The following BCL3 variants were observed in gnomAD, a reference collection of about 807,000 sequenced individuals.
The protein encoded by BCL3 is B-cell lymphoma 3 protein.
Under a neutral mutation model 35.7 loss-of-function variants are expected in BCL3, and 15 were observed. The ratio of observed to expected loss-of-function variants is 0.42; its 90% confidence interval spans 0.28 to 0.65. The LOEUF is 0.65. BCL3 is among the 30% of genes least tolerant of loss of function. BCL3 has a pLI of 0.22. For missense variants in BCL3, 565 were observed against 641.7 expected, an observed-to-expected ratio of 0.88 and a Z score of 1.29; for synonymous variants, 311 against 284.3, an observed-to-expected ratio of 1.09 and a Z score of -0.95.
At position 44,757,004 on chromosome 19, in the gene BCL3, C is replaced by T. The variant is rs778248294; in HGVS notation, c.520-13C>T. 2 of 1,589,864 alleles carry T rather than the reference C, an allele frequency of 1.3e-6. No individual in the cohort carries two copies. The highest frequency in any genetic ancestry group is 1.7e-6 in the Non-Finnish European group (2 of 1,163,634). ...GGGCTGGACACAGGTCCCTCACAGTCACTGTTCCCCAGACACCGCTCCACC... is the reference window on the plus strand; with the variant it reads ...GGGCTGGACACAGGTCCCTCACAGTTACTGTTCCCCAGACACCGCTCCACC... On this transcript the variant is annotated splice_polypyrimidine_tract_variant and intron_variant, in intron 3 of 8. Transcript: ENST00000164227. The surrounding 1 kb of genome is among the most constrained non-coding windows in gnomAD (Gnocchi z 8.4).
chr19:44,756,142 CA>C, intron 2 of BCL3, 89 bp from the exon 3 acceptor site: 1 of 877,764 alleles, frequency 1.1e-6, no homozygotes, highest in Non-Finnish European at 1.6e-6. Flanking sequence ...CCAAAGTATT[CA>C]ACACATTGGA....
chr19:44,757,067 C>G lies in BCL3; in HGVS notation c.570C>G (p.Leu190=). ...VITTLPSVVR[L]LVTAGASPMA... ...CCACATTACCGTCTGTGGTCCGGCT[C>G]CTGGTGACAGCTGGTGCCAGCCCCA... The change falls in exon 4 of 9, where the codon CTC becomes CTG. Residue 190 remains leucine (L), a synonymous_variant. Coordinates refer to ENST00000164227, the MANE Select transcript of BCL3 (RefSeq NM_005178.5). This position sits in a 1 kb window ranked among gnomAD's most constrained non-coding sequence, Gnocchi z 8.4. 2 of 1,611,038 alleles carry G rather than the reference C, an allele frequency of 1.2e-6. No individual in the cohort carries two copies. Among genetic ancestry groups the G allele is most frequent in the Non-Finnish European group, 1.7e-6 (2 of 1,179,038 alleles).
In BCL3 at chr19:44,759,751, A is replaced by G; in HGVS notation, c.*136A>G. ...GGGACCAGGATTTGCACAGAAGCAC[A>G]TGCACCTACCCATACACCCCCTCTT... On this transcript the variant is annotated 3_prime_UTR_variant, in exon 9 of 9. Transcript: ENST00000164227. 1.9e-6 allele frequency: 1 copy of G among 538,718 alleles called. No homozygotes were observed. The allele number at this position is 538,718 out of a possible 1,614,324, so 33.4% of individuals were successfully genotyped here.
In BCL3 at chr19:44,757,470, T is replaced by TGTG; in HGVS notation, c.813+56_813+57insTGG. 11 of 267,536 alleles carry TGTG rather than the reference T, an allele frequency of 4.1e-5. No homozygotes were observed. The highest frequency in any genetic ancestry group is 5.9e-5 in the Non-Finnish European group (10 of 169,002). The allele number at this position is 267,536 out of a possible 1,614,324, so 16.6% of individuals were successfully genotyped here. ...CGGGGCCTTAGCAGGGGCGGGGTCT[T>TGTG]GGCGGGGGCGGGGCCAGTGTGGGGC... On this transcript the variant is annotated intron_variant, in intron 5 of 8. Transcript: ENST00000164227. This position sits in a 1 kb window ranked among gnomAD's most constrained non-coding sequence, Gnocchi z 8.4.
At chr19:44,747,908 A>G, upstream of BCL3, 1 of 1,173,650 alleles carries the variant, frequency 8.5e-7, no homozygotes, top group South Asian at 1.8e-5. Context: ...GAGTGCAGAG[A>G]CACAATCAGT....
upstream of BCL3, chr19:44,748,243 A>C: frequency 4.4e-6 from 2 of 452,052 alleles, no homozygotes; most frequent in African/African-American, 4.1e-5. Flanking sequence ...CAAAGAGACA[A>C]AAGAGAGAGA....
chr19:44,751,430 G>T, intron 2 of BCL3, 50 bp downstream of exon 2: 1 of 1,503,848 alleles, frequency 6.6e-7, no homozygotes, highest in Non-Finnish European at 8.9e-7. Flanking sequence ...AAGACCAGCC[G>T]TCCATAACAC....
At chr19:44,755,986 A>C (rs1967272179) in intron 2 of BCL3, among the ~76,000 whole-genome samples, 1 of 152,204 alleles carries the variant, frequency 6.6e-6, no homozygotes, top group South Asian at 2.1e-4. Context: ...ACAGTAGAGC[A>C]TAGGTGGAAG....
chr19:44,749,390 A>ACTT (rs1568542218), intron 1 of BCL3, among the ~76,000 whole-genome samples: 27 of 152,034 alleles, frequency 1.8e-4, no homozygotes, highest in African/African-American at 6.0e-4. Flanking sequence ...ACAAGCTCTT[A>ACTT]AGCCAGATGT....
chr19:44,748,248 G>A (rs2927459), upstream of BCL3: 16,951 of 437,372 alleles, frequency 0.039, 1,810 homozygotes, highest in African/African-American at 0.25. Context: ...AGACAAAAGA[G>A]AGAGACAGAG....
rs1240915831 is a variant in BCL3, at chr19:44,754,527, G to T, written c.411-1705G>T. 2.0e-5 allele frequency among the ~76,000 whole-genome samples: 3 copies of T among 152,150 alleles called. No homozygotes were observed. The East Asian group carries it at 5.8e-4, about 29-fold the overall frequency. On this transcript the variant is annotated intron_variant, in intron 2 of 8. Coordinates refer to ENST00000164227, the MANE Select transcript of BCL3 (RefSeq NM_005178.5). ...CCTGTTACTGGAAGTCCGAGGGCTGGGTCGCCCCTCCCGTCCCCACTTCCT... is the reference window on the plus strand; with the variant it reads ...CCTGTTACTGGAAGTCCGAGGGCTGTGTCGCCCCTCCCGTCCCCACTTCCT...
At chr19:44,749,070 G>A in intron 1 of BCL3, 24 bp downstream of exon 1, 3 of 1,258,428 alleles carry the variant, frequency 2.4e-6, no homozygotes, top group Non-Finnish European at 2.0e-6. Flanking sequence ...GAGGGTCCGG[G>A]CCGGGTGGGA....
At chr19:44,756,056 C>G (rs1384948029) in intron 2 of BCL3, 176 bp from the exon 3 acceptor site, 1 of 414,508 alleles carries the variant, frequency 2.4e-6, no homozygotes, top group African/African-American at 2.1e-5. Context: ...GTGGCTAAAG[C>G]AGGATGGAGG....
At chr19:44,756,912 C>T (rs1967299020) in intron 3 of BCL3, 105 bp from the exon 4 acceptor site, 1 of 1,123,964 alleles carries the variant, frequency 8.9e-7, no homozygotes, top group Non-Finnish European at 1.3e-6. Context: ...GGTTTCTGTT[C>T]CTGGGGAAGA....
Position 44,758,305 on chromosome 19 carries a change from C to A in BCL3, c.951C>A (p.Ser317=), listed in dbSNP as rs922016661. 16 of 1,563,782 alleles carry A rather than the reference C, an allele frequency of 1.0e-5. No individual in the cohort carries two copies. Among genetic ancestry groups the A allele is most frequent in the African/African-American group, 1.4e-5 (1 of 73,698 alleles). ...GCAGCTCCGCCCTGCACTCAGCGTCCGGCCGCGGGCTCCTCCCGCTGGTGC... is the reference window on the plus strand; with the variant it reads ...GCAGCTCCGCCCTGCACTCAGCGTCAGGCCGCGGGCTCCTCCCGCTGGTGC... ...YSGSSALHSA[S]GRGLLPLVRT... is the part of the protein sequence containing the mutation. Residue 317 remains serine, a synonymous_variant, in exon 7 of 9, where the codon TCC becomes TCA. Coordinates refer to ENST00000164227, the MANE Select transcript of BCL3 (RefSeq NM_005178.5).
Position 44,757,541 on chromosome 19 carries a change from C to A in BCL3, c.814-105C>A. 3 of 1,524,224 alleles carry A rather than the reference C, an allele frequency of 2.0e-6. No individual in the cohort carries two copies. Among genetic ancestry groups the A allele is most frequent in the Admixed American group, 1.7e-5 (1 of 58,278 alleles). 94.4% of individuals were successfully genotyped at this position (1,524,224 alleles called of 1,614,324 possible). A position where few individuals can be genotyped will look rare whatever the true frequency, so the allele number is the denominator to read the frequency against. On this transcript the variant is annotated intron_variant, in intron 5 of 8. Transcript: ENST00000164227. This position sits in a 1 kb window ranked among gnomAD's most constrained non-coding sequence, Gnocchi z 8.4. ...GTGGGGTGGGGCTTGGAGTATCAGA[C>A]CCAAGAGAGAGGCTGGACCCCGCGA...
upstream of BCL3, among the ~76,000 whole-genome samples, chr19:44,748,389 G>A (rs1253370976): frequency 6.6e-6 from 1 of 152,032 alleles, no homozygotes; most frequent in East Asian, 1.9e-4. Flanking sequence ...GACAAAAACA[G>A]AGGCAGAGAG....
Position 44,759,850 on chromosome 19 carries a change from T to C in BCL3, c.*235T>C. 2.2e-6 allele frequency: 1 copy of C among 446,096 alleles called. No homozygotes were observed. The highest frequency in any genetic ancestry group is 3.9e-6 in the Non-Finnish European group (1 of 254,650). The allele number at this position is 446,096 out of a possible 1,614,324, so 27.6% of individuals were successfully genotyped here. On this transcript the variant is annotated 3_prime_UTR_variant, in exon 9 of 9. Transcript: ENST00000164227. ...CAGCATTCTCAGGCACCAGTCCCTGTCCGGAATGCCACCCACATCTTCCAT... is the reference window on the plus strand; with the variant it reads ...CAGCATTCTCAGGCACCAGTCCCTGCCCGGAATGCCACCCACATCTTCCAT...
chr19:44,750,825 C>T (rs1967164665), intron 1 of BCL3, among the ~76,000 whole-genome samples: 1 of 152,098 alleles, frequency 6.6e-6, no homozygotes, highest in African/African-American at 2.4e-5. Flanking sequence ...TCCTCTCTGC[C>T]TCCACTCTCC....
Sources: allele counts gnomAD v4.1 joint callset (sites outside exome capture counted in the v4.1 genomes callset), GRCh38; gene constraint gnomAD v4.1.1; non-coding constraint Gnocchi (gnomAD v3.1); transcripts MANE v1.5; gene names NCBI Gene and HGNC (gene_info 2026-07-23, HGNC 2026-07-21).